Variants in OLA1 observed in about 807,000 individuals in gnomAD.
The protein encoded by OLA1 is Obg like ATPase 1, also known as obg-like ATPase 1.
A neutral mutation model predicts 48.4 loss-of-function variants in OLA1; 14 were observed. That is an observed-to-expected ratio of 0.29 (90% CI 0.19 to 0.45). The LOEUF (loss-of-function observed/expected upper bound fraction) is 0.45. OLA1 is among the 20% of genes least tolerant of loss of function. OLA1 has a pLI of 1.00. For synonymous variants in OLA1, 127 were observed against 150.4 expected (o/e 0.84, Z 1.14); for missense variants, 325 against 467.1 (o/e 0.70, Z 2.80).
chr2:174,247,997 T>C, intron 1 of OLA1: 1 of 496,502 alleles, frequency 2.0e-6, no homozygotes, highest in South Asian at 2.6e-5. Flanking sequence ...GCTGGGGCCC[T>C]GCCCTTGCAG....
chr2:174,233,713 T>C (rs2105459496), intron 2 of OLA1, among the ~76,000 whole-genome samples: 1 of 152,324 alleles, frequency 6.6e-6, no homozygotes, highest in Non-Finnish European at 1.5e-5. Flanking sequence ...CTTTAAAAAG[T>C]ATCAAACTCA....
chr2:174,206,537 A>G (rs1688118835), intron 4 of OLA1, among the ~76,000 whole-genome samples: 1 of 152,190 alleles, frequency 6.6e-6, no homozygotes, highest in Non-Finnish European at 1.5e-5. Flanking sequence ...AAGACCTTCA[A>G]AAACATGTCA....
At chr2:174,211,902 T>C (rs923966924) in intron 4 of OLA1, among the ~76,000 whole-genome samples, 2 of 152,232 alleles carry the variant, frequency 1.3e-5, no homozygotes, top group Admixed American at 1.3e-4. Flanking sequence ...CTGTTTCTTT[T>C]TAACTTTTTT....
At chr2:174,133,682 G>T (rs927993932) in intron 5 of OLA1, among the ~76,000 whole-genome samples, 1 of 152,176 alleles carries the variant, frequency 6.6e-6, no homozygotes, top group African/African-American at 2.4e-5. Context: ...TAACCCCAAC[G>T]TAAGTCCAGG....
At chr2:174,095,975 TTCA>T (rs1685245349) in intron 7 of OLA1, among the ~76,000 whole-genome samples, 1 of 152,074 alleles carries the variant, frequency 6.6e-6, no homozygotes, top group East Asian at 1.9e-4. Flanking sequence ...TAAAAAGATG[TTCA>T]TCATTAGTCA....
chr2:174,148,107 C>T (rs2105386018), intron 4 of OLA1, among the ~76,000 whole-genome samples: 1 of 152,294 alleles, frequency 6.6e-6, no homozygotes, highest in Non-Finnish European at 1.5e-5. Flanking sequence ...ACAAAATAGG[C>T]CGGGCGTGGT....
At chr2:174,203,483 A>T (rs114431319) in intron 4 of OLA1, among the ~76,000 whole-genome samples, 4 of 81,568 alleles carry the variant, frequency 4.9e-5, no homozygotes, top group African/African-American at 1.6e-4. Flanking sequence ...TTTTTTTTTT[A>T]AGAGATGGGG....
intron 4 of OLA1, among the ~76,000 whole-genome samples, chr2:174,155,460 A>G (rs1558980406): frequency 6.6e-6 from 1 of 152,244 alleles, no homozygotes; most frequent in Non-Finnish European, 1.5e-5. Context: ...ACTAGTGCTA[A>G]GCATATCAAT....
rs566594441 is a variant in OLA1 at position 174,155,328 on chromosome 2, C to T, written c.374-13328G>A. Among the ~76,000 whole-genome samples the T allele has an allele frequency of 5.9e-5, 9 of 152,236 alleles. No individual in the cohort carries two copies. The East Asian group carries it at 1.5e-3, about 26-fold the overall frequency. On this transcript the variant is annotated intron_variant, in intron 4 of 10. Coordinates refer to ENST00000284719, the MANE Select transcript of OLA1 (RefSeq NM_013341.5). ...AAAGAACGCCTCAAGCAGTTATTGG[C>T]ACTTGAATGAAAAACTGTTAGAGGG...
At position 174,136,672 on chromosome 2, in the gene OLA1, CTT is replaced by C. The variant is rs555917413; in HGVS notation, c.549+5151_549+5152del. ...TGACCTCTCATGAATCATGAATATTCTTTTTTTTTTTTTTTCCTGAGACGAGT... is the reference window on the plus strand; with the variant it reads ...TGACCTCTCATGAATCATGAATATTCTTTTTTTTTTTTTCCTGAGACGAGT... On this transcript the variant is annotated intron_variant, in intron 5 of 10. Transcript: ENST00000284719. 2.0e-3 allele frequency among the ~76,000 whole-genome samples: 280 copies of C among 141,908 alleles called. 1 individual carries two copies. The highest frequency in any genetic ancestry group is 6.6e-3 in the African/African-American group (255 of 38,848). The allele number at this position is 141,908 out of a possible 152,430, so 93.1% of individuals were successfully genotyped here.
chr2:174,082,664 G>A (rs573238958), intron 7 of OLA1, among the ~76,000 whole-genome samples: 1 of 152,224 alleles, frequency 6.6e-6, no homozygotes, highest in African/African-American at 2.4e-5. Flanking sequence ...GCAGCTGTAT[G>A]AACCTGACTT....
chr2:174,116,572 T>C lies in OLA1; in HGVS notation c.728+6608A>G, dbSNP rs367708969. 2.6e-5 allele frequency among the ~76,000 whole-genome samples: 4 copies of C among 151,926 alleles called. No homozygotes were observed. In the East Asian group the frequency reaches 5.8e-4, roughly 22 times the overall value. Reference sequence around the variant, plus strand: ...TGAGATATGGAAGAGGGAATGAGAGTAGGAAAAAAGATCAGGTCTTATCTG... The same window carrying C: ...TGAGATATGGAAGAGGGAATGAGAGCAGGAAAAAAGATCAGGTCTTATCTG... On this transcript the variant is annotated intron_variant, in intron 7 of 10. Transcript: ENST00000284719.
At chr2:174,181,019 T>C (rs1368664300) in intron 4 of OLA1, among the ~76,000 whole-genome samples, 3 of 152,186 alleles carry the variant, frequency 2.0e-5, no homozygotes, top group Admixed American at 6.5e-5. Flanking sequence ...ATACAAGGAA[T>C]GTACAAGGAG....
intron 2 of OLA1, among the ~76,000 whole-genome samples, chr2:174,237,257 T>C (rs977836017): frequency 1.3e-5 from 2 of 151,854 alleles, no homozygotes; most frequent in African/African-American, 4.8e-5. Flanking sequence ...TGGAGTCTGA[T>C]CATGAATATC....
chr2:174,179,856 C>A (rs1687494284), intron 4 of OLA1, among the ~76,000 whole-genome samples: 1 of 152,110 alleles, frequency 6.6e-6, no homozygotes, highest in East Asian at 1.9e-4. Flanking sequence ...TCTGGACTGG[C>A]AACTTTTCAC....
At chr2:174,191,227 C>G (rs1687769911) in intron 4 of OLA1, among the ~76,000 whole-genome samples, 1 of 151,936 alleles carries the variant, frequency 6.6e-6, no homozygotes, top group East Asian at 1.9e-4. Flanking sequence ...CATAAATATA[C>G]AATTTATACT....
intron 4 of OLA1, among the ~76,000 whole-genome samples, chr2:174,195,911 G>C (rs1550387): frequency 0.54 from 81,993 of 151,908 alleles, 22,756 homozygotes; most frequent in East Asian, 0.94. Flanking sequence ...AACATGTTCA[G>C]TGAAATAATT....
At chr2:174,149,490 C>T (rs1686695024) in intron 4 of OLA1, among the ~76,000 whole-genome samples, 1 of 152,084 alleles carries the variant, frequency 6.6e-6, no homozygotes, top group Non-Finnish European at 1.5e-5. Context: ...TGAAATAAAC[C>T]AAAAAATATT....
At chr2:174,211,602 C>T (rs1688245564) in intron 4 of OLA1, among the ~76,000 whole-genome samples, 1 of 152,082 alleles carries the variant, frequency 6.6e-6, no homozygotes, top group South Asian at 2.1e-4. Context: ...TACATATTCG[C>T]TTTTTTAAAA....
Sources: allele counts gnomAD v4.1 joint callset (sites outside exome capture counted in the v4.1 genomes callset), GRCh38; gene constraint gnomAD v4.1.1; transcripts MANE v1.5; gene names NCBI Gene and HGNC (gene_info 2026-07-23, HGNC 2026-07-21).